Variants in RGL1 observed in about 807,000 individuals in gnomAD.
The protein encoded by RGL1 is ral guanine nucleotide dissociation stimulator like 1.
Under a neutral mutation model 95.2 loss-of-function variants are expected in RGL1, and 24 were observed. The ratio of observed to expected loss-of-function variants is 0.25; its 90% CI spans 0.18 to 0.35. RGL1 has a LOEUF of 0.35. Among genes scored for constraint, RGL1 ranks in the 10% least tolerant of loss-of-function variants. RGL1 has a pLI of 1.00. For synonymous variants in RGL1, 329 were observed against 344.9 expected (o/e 0.95, Z 0.51); for missense variants, 715 against 936.3 (o/e 0.76, Z 3.08).
chr1:183,859,191 T>A (rs1665352640), intron 3 of RGL1, among the ~76,000 whole-genome samples: 1 of 151,940 alleles, frequency 6.6e-6, no homozygotes, highest in Non-Finnish European at 1.5e-5. Context: ...GAACTAGAAG[T>A]GGAAGGAGTA....
At chr1:183,665,428 C>G (rs1156421509) in intron 1 of RGL1, among the ~76,000 whole-genome samples, 1 of 152,130 alleles carries the variant, frequency 6.6e-6, no homozygotes, top group Non-Finnish European at 1.5e-5. Flanking sequence ...CTTTCACTTG[C>G]TTCTATCTTC....
At chr1:183,812,407 G>A (rs910321060) in intron 2 of RGL1, among the ~76,000 whole-genome samples, 4 of 152,140 alleles carry the variant, frequency 2.6e-5, no homozygotes, top group African/African-American at 7.2e-5. Context: ...GAACTCCCTC[G>A]CTGCTGTTGC....
intron 12 of RGL1, 150 bp downstream of exon 12, chr1:183,902,750 A>G: frequency 1.6e-6 from 1 of 645,110 alleles, no homozygotes; most frequent in Non-Finnish European, 2.6e-6. Context: ...ATTCTCCTAT[A>G]CATTATCCCC....
intron 1 of RGL1, among the ~76,000 whole-genome samples, chr1:183,722,784 T>C (rs1656084028): frequency 1.3e-5 from 2 of 152,052 alleles, no homozygotes; most frequent in African/African-American, 4.8e-5. Context: ...GTTGTGAGAG[T>C]TGGCCAGCAC....
intron 1 of RGL1, among the ~76,000 whole-genome samples, chr1:183,667,489 T>C (rs1470426071): frequency 6.6e-6 from 1 of 152,042 alleles, no homozygotes; most frequent in Non-Finnish European, 1.5e-5. Flanking sequence ...CATGCCTGGC[T>C]AATTTTTTGT....
chr1:183,845,898 C>T (rs1664390061), intron 2 of RGL1, among the ~76,000 whole-genome samples: 1 of 152,168 alleles, frequency 6.6e-6, no homozygotes. Context: ...TAGGAGCTGT[C>T]TTTAGGAATG....
At chr1:183,667,402 G>T (rs899652489) in intron 1 of RGL1, among the ~76,000 whole-genome samples, 1 of 152,006 alleles carries the variant, frequency 6.6e-6, no homozygotes, top group East Asian at 1.9e-4. Flanking sequence ...TCGGCTCACC[G>T]CAACCTCTGC....
At chr1:183,889,607 A>G (rs1461026973) in intron 8 of RGL1, among the ~76,000 whole-genome samples, 3 of 152,190 alleles carry the variant, frequency 2.0e-5, no homozygotes, top group African/African-American at 7.2e-5. Flanking sequence ...TCATAAATTT[A>G]TGCTGAAAAA....
intron 2 of RGL1, among the ~76,000 whole-genome samples, chr1:183,757,762 A>G (rs1658433905): frequency 6.6e-6 from 1 of 152,206 alleles, no homozygotes; most frequent in African/African-American, 2.4e-5. Context: ...TTTTACTCAT[A>G]AGGATTATGA....
At chr1:183,711,076 G>A (rs773467406) in intron 1 of RGL1, among the ~76,000 whole-genome samples, 1 of 152,124 alleles carries the variant, frequency 6.6e-6, no homozygotes, top group African/African-American at 2.4e-5. Context: ...GCTCCTGGAG[G>A]TTGACCCCAC....
intron 2 of RGL1, among the ~76,000 whole-genome samples, chr1:183,834,097 T>A (rs1014692897): frequency 2.0e-5 from 3 of 152,100 alleles, no homozygotes; most frequent in African/African-American, 7.2e-5. Context: ...ATTTACTTTC[T>A]TATTTAATTG....
intron 1 of RGL1, among the ~76,000 whole-genome samples, chr1:183,723,056 G>A (rs1366624933): frequency 1.3e-5 from 2 of 152,102 alleles, no homozygotes; most frequent in Non-Finnish European, 1.5e-5. Context: ...CATTGGGGGG[G>A]AAATGGAAGC....
chr1:183,799,878 A>C (rs1660893855), intron 2 of RGL1, among the ~76,000 whole-genome samples: 1 of 152,254 alleles, frequency 6.6e-6, no homozygotes, highest in Non-Finnish European at 1.5e-5. Flanking sequence ...AACAAATACA[A>C]AATTACATTA....
intron 2 of RGL1, among the ~76,000 whole-genome samples, chr1:183,839,386 G>A (rs1282581161): frequency 6.6e-6 from 1 of 152,080 alleles, no homozygotes; most frequent in African/African-American, 2.4e-5. Flanking sequence ...CTAGAAATCA[G>A]GTGAAGTTTC....
intron 4 of RGL1, among the ~76,000 whole-genome samples, chr1:183,873,931 C>T (rs563144851): frequency 7.2e-5 from 11 of 152,290 alleles, no homozygotes; most frequent in East Asian, 5.8e-4. Flanking sequence ...TCACTACCAA[C>T]GGAAACTCAG....
At chr1:183,851,569 T>C (rs1285780408) in intron 3 of RGL1, among the ~76,000 whole-genome samples, 1 of 152,176 alleles carries the variant, frequency 6.6e-6, no homozygotes, top group East Asian at 1.9e-4. Context: ...AAAGATAACA[T>C]ATTAAGGCTT....
chr1:183,912,280 A>G lies in RGL1; in HGVS notation c.1749+12A>G. The G allele has an allele frequency of 6.2e-7, 1 of 1,606,988 alleles. No homozygotes were observed. Among genetic ancestry groups the G allele is most frequent in the Non-Finnish European group, 8.5e-7 (1 of 1,175,300 alleles). On this transcript the variant is annotated intron_variant, in intron 15 of 17. Coordinates refer to ENST00000360851, the MANE Select transcript of RGL1 (RefSeq NM_001297671.3). ...AGCCTCAAAAAAAGGTATATACTCA[A>G]CCCTTCTCATAATTCCTAATGCAGG...
intron 2 of RGL1, among the ~76,000 whole-genome samples, chr1:183,766,399 C>T (rs1054346606): frequency 1.3e-5 from 2 of 151,784 alleles, no homozygotes; most frequent in African/African-American, 4.8e-5. Flanking sequence ...TAATGGTAAA[C>T]ACAGCTAAAG....
chr1:183,832,983 G>T (rs1423638515), intron 2 of RGL1, among the ~76,000 whole-genome samples: 1 of 152,172 alleles, frequency 6.6e-6, no homozygotes, highest in Admixed American at 6.5e-5. Flanking sequence ...AATGGGGGCA[G>T]AAACAAACTC....
Sources: gnomAD v4.1 joint callset for allele counts (sites outside exome capture counted in the v4.1 genomes callset) on GRCh38, gnomAD v4.1.1 for gene constraint, MANE v1.5 for transcripts, NCBI Gene and HGNC (gene_info 2026-07-23, HGNC 2026-07-21) for gene names.